The following VGLL4 variants were observed in gnomAD, a reference collection of about 807,000 sequenced individuals.
VGLL4 encodes transcription cofactor vestigial-like protein 4.
Under a neutral mutation model 21.0 loss-of-function variants are expected in VGLL4, and 7 were observed. That is an observed-to-expected ratio of 0.33 (90% CI 0.19 to 0.63). The LOEUF (loss-of-function observed/expected upper bound fraction) is 0.63. VGLL4 is among the 20% of genes least tolerant of loss of function. The pLI, the probability that VGLL4 is intolerant of heterozygous loss-of-function variation, is 0.78. For synonymous variants in VGLL4, 222 were observed against 173.2 expected (o/e 1.28, Z -2.21); for missense variants, 394 against 425.7 (o/e 0.93, Z 0.66).
At chr3:11,711,945 G>A (rs891733335) in intron 1 of VGLL4, among the ~76,000 whole-genome samples, 2 of 152,146 alleles carry the variant, frequency 1.3e-5, no homozygotes, top group African/African-American at 4.8e-5. Context: ...TGCAAGCACA[G>A]TTTCACGGTT....
chr3:11,706,049 T>TG (rs1392363126), intron 1 of VGLL4, among the ~76,000 whole-genome samples: 1 of 152,190 alleles, frequency 6.6e-6, no homozygotes, highest in African/African-American at 2.4e-5. Context: ...TGAAGGACAA[T>TG]GCTTTCAAAA....
intron 2 of VGLL4, among the ~76,000 whole-genome samples, chr3:11,600,467 G>T (rs1003643652): frequency 2.6e-5 from 4 of 152,204 alleles, no homozygotes; most frequent in African/African-American, 9.7e-5. Flanking sequence ...AACTGCAAGA[G>T]CTGAGCACCC....
rs34428676 is a variant in VGLL4 at position 11,682,404 on chromosome 3, C to CAAAA, written c.64+20563_64+20566dup. Among the ~76,000 whole-genome samples the CAAAA allele has an allele frequency of 1.3e-3, 80 of 62,218 alleles. 1 individual carries two copies. Among genetic ancestry groups the CAAAA allele is most frequent in the African/African-American group, 5.3e-3 (77 of 14,576 alleles). The allele number at this position is 62,218 out of a possible 152,430, so 40.8% of individuals were successfully genotyped here. ...CGGGTGACAGTACAAGACCCTGTCT[C>CAAAA]AAAAAAAAAAAAAAAAAAAAAAAAA... On this transcript the variant is annotated intron_variant, in intron 2 of 5. Transcript: ENST00000273038.
intron 2 of VGLL4, among the ~76,000 whole-genome samples, chr3:11,676,401 AAAAAAAAAAT>A (rs2076290776): frequency 1.4e-5 from 1 of 69,134 alleles, no homozygotes; most frequent in African/African-American, 4.4e-5. Context: ...TCTCAAAAAA[AAAAAAAAAAT>A]AAAATAATAA....
chr3:11,575,592 T>A (rs1462612245), intron 2 of VGLL4, among the ~76,000 whole-genome samples: 1 of 152,184 alleles, frequency 6.6e-6, no homozygotes, highest in Non-Finnish European at 1.5e-5. Context: ...AACCACAGTG[T>A]GCACTTACCC....
chr3:11,598,833 T>A (rs2074710005), intron 2 of VGLL4, among the ~76,000 whole-genome samples: 1 of 152,216 alleles, frequency 6.6e-6, no homozygotes, highest in Non-Finnish European at 1.5e-5. Flanking sequence ...AGAATTATTA[T>A]GACTGCTTTA....
At chr3:11,632,336 A>C (rs1368539633) in intron 1 of VGLL4, among the ~76,000 whole-genome samples, 2 of 152,162 alleles carry the variant, frequency 1.3e-5, no homozygotes, top group East Asian at 3.9e-4. Flanking sequence ...AAATAAAATA[A>C]AATTCACTGA....
At chr3:11,622,215 T>C (rs1042249517) in intron 1 of VGLL4, among the ~76,000 whole-genome samples, 17 of 152,236 alleles carry the variant, frequency 1.1e-4, no homozygotes, top group African/African-American at 3.9e-4. Flanking sequence ...TGATTACAAA[T>C]GTTCTTCTAA....
intron 2 of VGLL4, among the ~76,000 whole-genome samples, chr3:11,687,170 CTCTTA>C (rs1481703832): frequency 6.6e-6 from 1 of 152,112 alleles, no homozygotes; most frequent in Admixed American, 6.5e-5. Flanking sequence ...CCCTCCCCAC[CTCTTA>C]TCTTTCAAAA....
At chr3:11,569,732 G>A (rs2073700416) in intron 2 of VGLL4, among the ~76,000 whole-genome samples, 1 of 152,206 alleles carries the variant, frequency 6.6e-6, no homozygotes, top group South Asian at 2.1e-4. Flanking sequence ...TAATGAGACT[G>A]CTGGCTGGGC....
chr3:11,631,491 A>C (rs926759664), intron 1 of VGLL4, among the ~76,000 whole-genome samples: 2 of 152,186 alleles, frequency 1.3e-5, no homozygotes, highest in African/African-American at 2.4e-5. Context: ...CAAACCCATC[A>C]ACTAACAACA....
At chr3:11,582,137 T>C (rs1186495651) in intron 2 of VGLL4, 1 of 914,616 alleles carries the variant, frequency 1.1e-6, no homozygotes, top group Non-Finnish European at 1.7e-6. Context: ...GGAAAATCAC[T>C]GCTGTCCCTT....
chr3:11,670,980 T>C (rs2076204687), intron 2 of VGLL4, among the ~76,000 whole-genome samples: 1 of 152,184 alleles, frequency 6.6e-6, no homozygotes, highest in African/African-American at 2.4e-5. Context: ...GAGGTTGCAG[T>C]GAGCTGAGAT....
intron 2 of VGLL4, among the ~76,000 whole-genome samples, chr3:11,591,405 C>A (rs1174989678): frequency 1.3e-5 from 2 of 152,240 alleles, no homozygotes; most frequent in Non-Finnish European, 1.5e-5. Flanking sequence ...GCTTCTCTGA[C>A]TCCTGTCCCC....
At chr3:11,588,962 G>T (rs1446190271) in intron 2 of VGLL4, among the ~76,000 whole-genome samples, 1 of 152,140 alleles carries the variant, frequency 6.6e-6, no homozygotes, top group Non-Finnish European at 1.5e-5. Flanking sequence ...TGGTTATAAG[G>T]GTCTGTGCAG....
At chr3:11,611,608 CT>C (rs2075064646) in intron 1 of VGLL4, 1 of 152,280 alleles carries the variant, frequency 6.6e-6, no homozygotes. Flanking sequence ...ACAGCTGCAA[CT>C]GTCCCATCTG....
chr3:11,693,533 T>C (rs1224576958), intron 2 of VGLL4, among the ~76,000 whole-genome samples: 2 of 152,322 alleles, frequency 1.3e-5, no homozygotes, highest in East Asian at 3.9e-4. Flanking sequence ...CTGGGTTATC[T>C]TGTCTCTAAT....
At position 11,558,461 on chromosome 3, in the gene VGLL4, A is replaced by ACC; in HGVS notation, c.*93_*94dup. 1.8e-6 allele frequency: 1 copy of ACC among 568,510 alleles called. No homozygotes were observed. The highest frequency in any genetic ancestry group is 2.6e-6 in the Non-Finnish European group (1 of 387,548). 35.2% of individuals were successfully genotyped at this position (568,510 alleles called of 1,614,324 possible). On this transcript the variant is annotated 3_prime_UTR_variant, in exon 5 of 5. Transcript: ENST00000430365. ...ATAAACCATCCCTTCCCTTCCCCCC[A>ACC]CCCCACCCCCATGATTTTTTTTTTT... is the stretch of plus-strand genomic sequence containing the variant.
At chr3:11,561,526 T>G (rs2073000819) in intron 3 of VGLL4, among the ~76,000 whole-genome samples, 1 of 152,192 alleles carries the variant, frequency 6.6e-6, no homozygotes, top group African/African-American at 2.4e-5. Flanking sequence ...CTCGTGGGAC[T>G]GGCTCCACCA....
Sources: gnomAD v4.1 joint callset for allele counts (sites outside exome capture counted in the v4.1 genomes callset) on GRCh38, gnomAD v4.1.1 for gene constraint, MANE v1.5 for transcripts, NCBI Gene and HGNC (gene_info 2026-07-23, HGNC 2026-07-21) for gene names.